PARM1: variants seen among roughly 807,000 people sequenced by gnomAD.
PARM1 encodes the protein WSC4, cell wall integrity and stress response component 4 homolog.
Under a neutral mutation model 24.6 loss-of-function variants are expected in PARM1, and 14 were observed. That is an observed-to-expected ratio of 0.57 (90% CI 0.38 to 0.89). The LOEUF (loss-of-function observed/expected upper bound fraction) is 0.89. PARM1 is among the 40% of genes least tolerant of loss of function. The pLI is 0.00. For synonymous variants in PARM1, 179 were observed against 156.6 expected (o/e 1.14, Z -1.07); for missense variants, 362 against 380.4 (o/e 0.95, Z 0.40).
At chr4:74,978,639 C>A (rs1376347531) in intron 1 of PARM1, among the ~76,000 whole-genome samples, 1 of 152,082 alleles carries the variant, frequency 6.6e-6, no homozygotes, top group Admixed American at 6.6e-5. Flanking sequence ...ACTTTCCACC[C>A]CAAAAATAAT....
At chr4:74,963,208 T>C (rs1163738545) in intron 1 of PARM1, among the ~76,000 whole-genome samples, 17 of 152,170 alleles carry the variant, frequency 1.1e-4, no homozygotes, top group Admixed American at 1.1e-3. Context: ...CAGATATTTC[T>C]TCATAGCAGT....
intron 1 of PARM1, among the ~76,000 whole-genome samples, chr4:74,948,677 G>A (rs922271291): frequency 6.6e-6 from 1 of 152,148 alleles, no homozygotes. Flanking sequence ...CAGGGTCCAG[G>A]AGATCCAGTT....
chr4:75,013,598 A>G (rs578049210), intron 2 of PARM1, among the ~76,000 whole-genome samples: 1 of 152,240 alleles, frequency 6.6e-6, no homozygotes, highest in African/African-American at 2.4e-5. Flanking sequence ...AAGCACTTAG[A>G]ACAGTTCCTG....
At chr4:75,015,233 A>G (rs1236946838) in intron 2 of PARM1, among the ~76,000 whole-genome samples, 1 of 152,186 alleles carries the variant, frequency 6.6e-6, no homozygotes, top group Non-Finnish European at 1.5e-5. Flanking sequence ...GTTATTCAAG[A>G]CAGTTCTGTT....
chr4:75,034,995 T>C (rs1723343509), intron 3 of PARM1, among the ~76,000 whole-genome samples: 2 of 152,256 alleles, frequency 1.3e-5, no homozygotes, highest in African/African-American at 4.8e-5. Flanking sequence ...CTTCAGAAAC[T>C]CCAGCTCCCT....
intron 1 of PARM1, among the ~76,000 whole-genome samples, chr4:74,935,368 A>C (rs988581539): frequency 2.0e-5 from 3 of 152,238 alleles, no homozygotes; most frequent in Non-Finnish European, 4.4e-5. Flanking sequence ...GTCCGAAAAA[A>C]TAATATAAAA....
At chr4:75,015,663 G>T (rs1722971356) in intron 2 of PARM1, among the ~76,000 whole-genome samples, 1 of 152,190 alleles carries the variant, frequency 6.6e-6, no homozygotes. Flanking sequence ...AACCTGGTAG[G>T]CAGAAGGATC....
At chr4:74,973,925 A>G (rs773720347) in intron 1 of PARM1, among the ~76,000 whole-genome samples, 1 of 152,144 alleles carries the variant, frequency 6.6e-6, no homozygotes, top group Non-Finnish European at 1.5e-5. Flanking sequence ...GATTTATTGT[A>G]AAGAATTGGC....
At chr4:74,954,276 C>CT (rs1721589787) in intron 1 of PARM1, among the ~76,000 whole-genome samples, 2 of 152,198 alleles carry the variant, frequency 1.3e-5, no homozygotes, top group African/African-American at 4.8e-5. Flanking sequence ...GCATAGAAAA[C>CT]TTGAACTGGA....
intron 1 of PARM1, among the ~76,000 whole-genome samples, chr4:74,934,328 G>T (rs889157243): frequency 1.1e-4 from 16 of 152,202 alleles, no homozygotes; most frequent in African/African-American, 3.6e-4. Context: ...GGCATTTTCA[G>T]TTTAAATGTG....
chr4:75,016,890 CAT>C (rs1481534821), intron 2 of PARM1, among the ~76,000 whole-genome samples: 1 of 152,136 alleles, frequency 6.6e-6, no homozygotes, highest in Non-Finnish European at 1.5e-5. Flanking sequence ...GAACTATAGA[CAT>C]GTATAGCCAG....
intron 1 of PARM1, among the ~76,000 whole-genome samples, chr4:74,958,797 G>T (rs1241648812): frequency 1.3e-5 from 2 of 152,216 alleles, no homozygotes; most frequent in African/African-American, 4.8e-5. Context: ...TGAGAGTTAT[G>T]AGGATTAAGT....
chr4:75,014,463 A>G (rs1722940467), intron 2 of PARM1, among the ~76,000 whole-genome samples: 1 of 152,176 alleles, frequency 6.6e-6, no homozygotes, highest in Non-Finnish European at 1.5e-5. Flanking sequence ...GGCCAGACCT[A>G]GGAGGAAAGG....
intron 2 of PARM1, among the ~76,000 whole-genome samples, chr4:75,029,147 C>T (rs1723233375): frequency 6.6e-6 from 1 of 152,032 alleles, no homozygotes; most frequent in African/African-American, 2.4e-5. Flanking sequence ...TTAAATGATG[C>T]CACAGTTGAT....
intron 1 of PARM1, chr4:74,965,058 G>A: frequency 6.6e-6 from 1 of 152,302 alleles, no homozygotes; most frequent in East Asian, 1.9e-4. Context: ...AGCAAAGTAA[G>A]CTCCTCTTCA....
In PARM1 at chr4:75,012,695, C is replaced by CT. The variant is rs1385894743; in HGVS notation, c.314_315insT (p.Pro106ThrfsTer26). On this transcript the variant is annotated frameshift_variant, in exon 2 of 4. Coordinates refer to ENST00000307428, the MANE Select transcript of PARM1 (RefSeq NM_015393.4). LOFTEE classifies it high-confidence loss of function. ...TGGGAAGGCACAAACACAGACCCCT[C>CT]ACCTTCTGGGTTCTCGTCAACAAGC... 2 of 1,613,888 alleles carry CT rather than the reference C, an allele frequency of 1.2e-6. No individual in the cohort carries two copies. The highest frequency in any genetic ancestry group is 1.7e-6 in the Non-Finnish European group (2 of 1,179,896).
intron 1 of PARM1, among the ~76,000 whole-genome samples, chr4:75,003,882 T>A (rs945456719): frequency 2.7e-5 from 4 of 150,236 alleles, no homozygotes; most frequent in African/African-American, 9.7e-5. Context: ...TTTAACATTC[T>A]CTCTCTCTCT....
At chr4:74,955,616 A>G (rs933845716) in intron 1 of PARM1, among the ~76,000 whole-genome samples, 2 of 152,242 alleles carry the variant, frequency 1.3e-5, no homozygotes, top group Admixed American at 6.5e-5. Flanking sequence ...TTCAAAATTC[A>G]TAAGCCTCCT....
chr4:74,946,017 G>A (rs1721404668), intron 1 of PARM1, among the ~76,000 whole-genome samples: 1 of 152,138 alleles, frequency 6.6e-6, no homozygotes, highest in Non-Finnish European at 1.5e-5. Flanking sequence ...AGATACTTGG[G>A]AGTGTCGCAT....
Sources: allele counts gnomAD v4.1 joint callset (sites outside exome capture counted in the v4.1 genomes callset), GRCh38; gene constraint gnomAD v4.1.1; transcripts MANE v1.5; gene names NCBI Gene and HGNC (gene_info 2026-07-23, HGNC 2026-07-21).